The following DSCAM variants were observed in gnomAD, a reference collection of about 807,000 sequenced individuals.
The protein encoded by DSCAM is cell adhesion molecule DSCAM.
In DSCAM, 47 loss-of-function variants were observed where a neutral mutation model predicts 217.7. The ratio of observed to expected loss-of-function variants is 0.22; its 90% CI spans 0.17 to 0.28. The LOEUF (loss-of-function observed/expected upper bound fraction) is 0.28, where lower values mean the gene tolerates loss of function less well. Among genes scored for constraint, DSCAM ranks in the 10% least tolerant of loss-of-function variants. The probability of loss-of-function intolerance (pLI) is 1.00; values close to 1 mark genes in which losing one functional copy is unlikely to be tolerated. For synonymous variants in DSCAM, 1,056 were observed against 1,015.3 expected, an observed-to-expected ratio of 1.04 and a Z score of -0.76; for missense variants, 2,080 against 2,618.3, an observed-to-expected ratio of 0.79 and a Z score of 4.49.
chr21:40,170,803 C>T (rs1477007901), intron 15 of DSCAM, among the ~76,000 whole-genome samples: 1 of 152,192 alleles, frequency 6.6e-6, no homozygotes, highest in Admixed American at 6.5e-5. Flanking sequence ...CTGAATTTGA[C>T]AAGAAGCCAG....
At chr21:40,116,431 A>C (rs1228764334) in intron 20 of DSCAM, among the ~76,000 whole-genome samples, 1 of 152,166 alleles carries the variant, frequency 6.6e-6, no homozygotes, top group African/African-American at 2.4e-5. Context: ...ATTGATTTTC[A>C]CATGTCTGGG....
chr21:40,651,469 T>C (rs1328924720), intron 3 of DSCAM, among the ~76,000 whole-genome samples: 1 of 152,206 alleles, frequency 6.6e-6, no homozygotes, highest in Admixed American at 6.5e-5. Flanking sequence ...TTCATTCTCA[T>C]TTGCAAACCG....
At chr21:40,319,888 T>C (rs548003928) in intron 8 of DSCAM, among the ~76,000 whole-genome samples, 1 of 152,354 alleles carries the variant, frequency 6.6e-6, no homozygotes, top group East Asian at 1.9e-4. Context: ...AATGAGATCA[T>C]GTCCTTTGCA....
intron 3 of DSCAM, among the ~76,000 whole-genome samples, chr21:40,563,828 TTATATATGTTTATATGTTTA>T (rs1170691548): frequency 1.3e-5 from 2 of 148,656 alleles, no homozygotes; most frequent in African/African-American, 5.0e-5. Flanking sequence ...AGTTATATGT[TTATATATGTTTATATGTTTA>T]TATATGTTTA....
chr21:40,428,663 T>C (rs530389837), intron 3 of DSCAM, among the ~76,000 whole-genome samples: 1 of 152,240 alleles, frequency 6.6e-6, no homozygotes, highest in East Asian at 1.9e-4. Flanking sequence ...GGCAGAACTA[T>C]CTCCAAACAG....
chr21:40,348,561 T>A (rs1175592815), intron 5 of DSCAM, among the ~76,000 whole-genome samples: 3 of 150,958 alleles, frequency 2.0e-5, no homozygotes, highest in African/African-American at 7.3e-5. Flanking sequence ...ATCATACTCC[T>A]AACAGTTCTT....
intron 1 of DSCAM, among the ~76,000 whole-genome samples, chr21:40,761,688 G>A (rs1254813467): frequency 2.0e-5 from 3 of 152,152 alleles, no homozygotes; most frequent in East Asian, 1.9e-4. Context: ...AGAGAGAAAC[G>A]ATCCCAATTA....
intron 3 of DSCAM, among the ~76,000 whole-genome samples, chr21:40,408,462 T>C (rs890706417): frequency 2.6e-5 from 4 of 152,086 alleles, no homozygotes; most frequent in Admixed American, 6.5e-5. Flanking sequence ...TTGCTGGAAA[T>C]TGCCCTACGA....
At position 40,211,343 on chromosome 21, in the gene DSCAM, GATATTTTT is replaced by G. The variant is rs2091182135; in HGVS notation, c.2357-22113_2357-22106del. Reference sequence around the variant, plus strand: ...AGCTACTATAAAGAAAGCTGCTATGGATATTTTTATATAACTTTTTGTGAACATAAATT... The same window carrying G: ...AGCTACTATAAAGAAAGCTGCTATGGATATAACTTTTTGTGAACATAAATT... On this transcript the variant is annotated intron_variant, in intron 11 of 32. Coordinates refer to ENST00000400454, the MANE Select transcript of DSCAM (RefSeq NM_001389.5). 4.6e-5 allele frequency among the ~76,000 whole-genome samples: 7 copies of G among 152,156 alleles called. No individual in the cohort carries two copies. In the South Asian group the frequency reaches 1.5e-3, roughly 32 times the overall value.
At chr21:40,134,782 C>T (rs385622) in intron 18 of DSCAM, among the ~76,000 whole-genome samples, 65,939 of 152,016 alleles carry the variant, frequency 0.43, 15,078 homozygotes, top group South Asian at 0.62. Context: ...TATTTGTCAA[C>T]TATACCTTAA....
chr21:40,617,926 A>C (rs1054297482), intron 3 of DSCAM, among the ~76,000 whole-genome samples: 1 of 152,228 alleles, frequency 6.6e-6, no homozygotes, highest in Admixed American at 6.5e-5. Flanking sequence ...AACGCGAAGC[A>C]GGCAAAACAC....
chr21:40,580,905 AAAAG>A (rs1246939965), intron 3 of DSCAM, among the ~76,000 whole-genome samples: 2 of 152,252 alleles, frequency 1.3e-5, no homozygotes, highest in East Asian at 1.9e-4. Flanking sequence ...TCTTTTTTGA[AAAAG>A]AAAGACTGGA....
chr21:40,543,923 T>C (rs2076561154), intron 3 of DSCAM, among the ~76,000 whole-genome samples: 1 of 152,210 alleles, frequency 6.6e-6, no homozygotes, highest in Non-Finnish European at 1.5e-5. Context: ...ATTTGTCTCA[T>C]CTACCTACCC....
At chr21:40,760,786 G>A (rs2091324905) in intron 1 of DSCAM, among the ~76,000 whole-genome samples, 1 of 152,156 alleles carries the variant, frequency 6.6e-6, no homozygotes, top group African/African-American at 2.4e-5. Flanking sequence ...ACAGCTCATG[G>A]ACTGTGCCTG....
intron 3 of DSCAM, among the ~76,000 whole-genome samples, chr21:40,591,645 G>A (rs1202234518): frequency 2.0e-5 from 3 of 152,202 alleles, no homozygotes; most frequent in African/African-American, 7.2e-5. Flanking sequence ...AAAGAACAAA[G>A]TGAGGTAACA....
At chr21:40,254,535 G>T (rs889343345) in intron 11 of DSCAM, among the ~76,000 whole-genome samples, 1 of 152,146 alleles carries the variant, frequency 6.6e-6, no homozygotes, top group Admixed American at 6.5e-5. Flanking sequence ...GAAAACAGAG[G>T]TCTCACCTCC....
chr21:40,204,994 T>C (rs556011232), intron 11 of DSCAM, among the ~76,000 whole-genome samples: 1 of 152,350 alleles, frequency 6.6e-6, no homozygotes, highest in East Asian at 1.9e-4. Context: ...CTGTGTCTTC[T>C]GTTTATGTCA....
intron 3 of DSCAM, among the ~76,000 whole-genome samples, chr21:40,516,793 T>C (rs1011368382): frequency 2.0e-4 from 30 of 151,822 alleles, no homozygotes; most frequent in African/African-American, 7.0e-4. Flanking sequence ...CTTTTTCTGA[T>C]AACATTCATA....
chr21:40,195,305 G>C (rs1157019235), intron 11 of DSCAM, among the ~76,000 whole-genome samples: 1 of 152,026 alleles, frequency 6.6e-6, no homozygotes, highest in Admixed American at 6.5e-5. Context: ...ACATTTTTAT[G>C]GTTTTTGTTC....
Sources: allele counts gnomAD v4.1 joint callset (sites outside exome capture counted in the v4.1 genomes callset), GRCh38; gene constraint gnomAD v4.1.1; transcripts MANE v1.5; gene names NCBI Gene and HGNC (gene_info 2026-07-23, HGNC 2026-07-21).